Variants in XRN1 observed in about 807,000 individuals in gnomAD.
XRN1 encodes the protein strand-exchange protein 1 homolog.
In XRN1, 67 loss-of-function variants were observed where a neutral mutation model predicts 222.3. The ratio of observed to expected loss-of-function variants is 0.30; its 90% CI spans 0.25 to 0.37. XRN1 has a LOEUF of 0.37. XRN1 is among the 10% of genes least tolerant of loss of function. XRN1 has a pLI of 1.00. For missense variants in XRN1, 1,707 were observed against 2,000.2 expected, an observed-to-expected ratio of 0.85 and a Z score of 2.80; for synonymous variants, 643 against 652.4, an observed-to-expected ratio of 0.99 and a Z score of 0.22.
intron 22 of XRN1, among the ~76,000 whole-genome samples, chr3:142,381,336 A>T (rs996622262): frequency 2.6e-5 from 4 of 152,172 alleles, no homozygotes; most frequent in African/African-American, 9.7e-5. Context: ...GTTATTAAGT[A>T]TATAAATTTA....
intron 12 of XRN1, chr3:142,418,200 T>C: frequency 3.8e-6 from 1 of 261,070 alleles, no homozygotes; most frequent in Non-Finnish European, 7.1e-6. Context: ...AGTGGCCAAT[T>C]ATGATGAACC....
At chr3:142,387,075 C>G (rs952163093) in intron 20 of XRN1, among the ~76,000 whole-genome samples, 4 of 151,996 alleles carry the variant, frequency 2.6e-5, no homozygotes, top group African/African-American at 9.7e-5. Flanking sequence ...ACTCAAATAT[C>G]CATCCACTGT....
chr3:142,354,368 G>C (rs1265320979), intron 32 of XRN1, among the ~76,000 whole-genome samples: 1 of 152,144 alleles, frequency 6.6e-6, no homozygotes, highest in African/African-American at 2.4e-5. Flanking sequence ...GTAGTTTGGA[G>C]ATTTCTCAAA....
intron 37 of XRN1, among the ~76,000 whole-genome samples, chr3:142,323,754 G>T (rs1314300011): frequency 1.3e-5 from 2 of 151,858 alleles, no homozygotes; most frequent in African/African-American, 4.8e-5. Context: ...AAGGTGGGAG[G>T]ACTGCTTGAA....
At position 142,311,703 on chromosome 3, in the gene XRN1, T is replaced by C; in HGVS notation, c.4893A>G (p.Lys1631=). 6.2e-7 allele frequency: 1 copy of C among 1,614,150 alleles called. No homozygotes were observed. Among genetic ancestry groups the C allele is most frequent in the Non-Finnish European group, 8.5e-7 (1 of 1,180,006 alleles). The change falls in exon 41 of 41, where the codon AAA becomes AAG. Residue 1631 remains lysine (K), a synonymous_variant. Coordinates refer to ENST00000392981, the MANE Select transcript of XRN1 (RefSeq NM_001282857.2). ...TSQPDSSNIV[K]VSPRESSSAS... Reference sequence around the variant, plus strand: ...CTGATGAGCTCTCCCGTGGACTTACTTTGACAATGTTGGAAGAATCTGGCT... The same window carrying C: ...CTGATGAGCTCTCCCGTGGACTTACCTTGACAATGTTGGAAGAATCTGGCT...
rs968437449 is a variant in XRN1, at chr3:142,320,506, T to C, written c.4405-1603A>G. Among the ~76,000 whole-genome samples, 9 of 152,310 alleles carry C rather than the reference T, an allele frequency of 5.9e-5. No homozygotes were observed. In the South Asian group the frequency reaches 1.4e-3, roughly 25 times the overall value. On this transcript the variant is annotated intron_variant, in intron 37 of 40. Coordinates refer to ENST00000392981, the MANE Select transcript of XRN1 (RefSeq NM_001282857.2). ...ATACATAGTTTGCAAATACTGTAGA[T>C]TGTCTGTTTACTCTGTTGATTATTT...
At chr3:142,338,916 C>A (rs962849776) in intron 33 of XRN1, among the ~76,000 whole-genome samples, 1 of 152,126 alleles carries the variant, frequency 6.6e-6, no homozygotes, top group Non-Finnish European at 1.5e-5. Flanking sequence ...GGTTTCAGGG[C>A]CAGCTTAGCT....
intron 29 of XRN1, among the ~76,000 whole-genome samples, chr3:142,362,563 G>A (rs2066676406): frequency 1.3e-5 from 2 of 151,518 alleles, no homozygotes; most frequent in Admixed American, 6.6e-5. Context: ...ATGAGTGCCC[G>A]GCCTTTTTTT....
intron 15 of XRN1, among the ~76,000 whole-genome samples, chr3:142,405,444 T>C (rs971320742): frequency 9.9e-5 from 15 of 152,198 alleles, no homozygotes; most frequent in Admixed American, 6.5e-5. Context: ...AGTAGTATAG[T>C]GATGTCCATC....
intron 29 of XRN1, among the ~76,000 whole-genome samples, chr3:142,363,003 G>A (rs777995503): frequency 3.3e-5 from 5 of 151,838 alleles, no homozygotes; most frequent in African/African-American, 4.8e-5. Flanking sequence ...TCAAACTCCC[G>A]GGCTCAAGCA....
At chr3:142,328,859 C>T (rs2065611413) in intron 37 of XRN1, among the ~76,000 whole-genome samples, 2 of 147,438 alleles carry the variant, frequency 1.4e-5, no homozygotes, top group Admixed American at 6.8e-5. Context: ...CCTGGGCTTC[C>T]GTCCTCCTGC....
chr3:142,400,072 A>G (rs7633870), intron 19 of XRN1, among the ~76,000 whole-genome samples: 19,530 of 152,202 alleles, frequency 0.13, 1,274 homozygotes, highest in Non-Finnish European at 0.14. Flanking sequence ...AAATTAATGT[A>G]CAATTTAAAT....
intron 12 of XRN1, chr3:142,418,297 T>C (rs1323367364): frequency 2.2e-6 from 1 of 456,294 alleles, no homozygotes; most frequent in Non-Finnish European, 3.8e-6. Flanking sequence ...AGGATCATTT[T>C]CTCTTCAGCA....
chr3:142,444,150 C>T (rs1344976674), intron 1 of XRN1, among the ~76,000 whole-genome samples: 3 of 152,046 alleles, frequency 2.0e-5, no homozygotes, highest in Non-Finnish European at 2.9e-5. Context: ...ACTGAAAGAA[C>T]GAATAAGACC....
At chr3:142,379,020 A>G (rs2067223623) in intron 23 of XRN1, among the ~76,000 whole-genome samples, 1 of 152,146 alleles carries the variant, frequency 6.6e-6, no homozygotes, top group Admixed American at 6.5e-5. Flanking sequence ...CTGTAATCCC[A>G]GCACTTTGGG....
chr3:142,366,604 G>A (rs2066819701), intron 27 of XRN1, among the ~76,000 whole-genome samples: 1 of 152,112 alleles, frequency 6.6e-6, no homozygotes, highest in Admixed American at 6.6e-5. Flanking sequence ...AGAGAAAAAT[G>A]AAGCAGTTAA....
intron 32 of XRN1, among the ~76,000 whole-genome samples, chr3:142,351,665 T>G (rs2107815426): frequency 6.6e-6 from 1 of 152,206 alleles, no homozygotes; most frequent in South Asian, 2.1e-4. Flanking sequence ...TTCCTCCAAA[T>G]CCAACAACAG....
At chr3:142,381,113 A>G (rs1369118078) in intron 22 of XRN1, among the ~76,000 whole-genome samples, 1 of 150,686 alleles carries the variant, frequency 6.6e-6, no homozygotes, top group African/African-American at 2.5e-5. Flanking sequence ...AAAAAAAAAG[A>G]AAGAAAGAAA....
chr3:142,354,876 T>C (rs1312993026), intron 32 of XRN1, among the ~76,000 whole-genome samples: 2 of 152,068 alleles, frequency 1.3e-5, no homozygotes, highest in Admixed American at 6.5e-5. Flanking sequence ...ATACACACTA[T>C]GGAATACTAT....
Sources: gnomAD v4.1 joint callset for allele counts (sites outside exome capture counted in the v4.1 genomes callset) on GRCh38, gnomAD v4.1.1 for gene constraint, MANE v1.5 for transcripts, NCBI Gene and HGNC (gene_info 2026-07-23, HGNC 2026-07-21) for gene names.